NEK10: variants seen among roughly 807,000 people sequenced by gnomAD.
NEK10 encodes serine/threonine-protein kinase Nek10.
Under a neutral mutation model 159.8 loss-of-function variants are expected in NEK10, and 122 were observed. The ratio of observed to expected loss-of-function variants is 0.76; its 90% CI spans 0.66 to 0.89. NEK10 has a LOEUF of 0.89. Among genes scored for constraint, NEK10 ranks in the 40% least tolerant of loss-of-function variants. The pLI, the probability that NEK10 is intolerant of heterozygous loss-of-function variation, is 0.00. For missense variants in NEK10, 1,342 were observed against 1,323.1 expected, an observed-to-expected ratio of 1.01 and a Z score of -0.22; for synonymous variants, 466 against 457.1, an observed-to-expected ratio of 1.02 and a Z score of -0.25.
intron 23 of NEK10, among the ~76,000 whole-genome samples, chr3:27,213,472 T>C (rs775040199): frequency 1.3e-5 from 2 of 152,194 alleles, no homozygotes; most frequent in Non-Finnish European, 2.9e-5. Context: ...AAATTAAGGT[T>C]TGAAAAAATG....
chr3:27,162,654 A>G (rs750276560), intron 30 of NEK10, 47 bp downstream of exon 30: 5 of 1,614,060 alleles, frequency 3.1e-6, no homozygotes, highest in Non-Finnish European at 8.5e-7. Flanking sequence ...ATTACATTGA[A>G]TTTTAGAGAG....
In NEK10 at chr3:27,119,110, C is replaced by G. The variant is rs558159411; in HGVS notation, c.3190+650G>C. Among the ~76,000 whole-genome samples the G allele has an allele frequency of 3.3e-5, 5 of 152,278 alleles. No individual in the cohort carries two copies. In the East Asian group the frequency reaches 9.6e-4, roughly 29 times the overall value. On this transcript the variant is annotated intron_variant, in intron 33 of 35. Coordinates refer to ENST00000691995, the MANE Select transcript of NEK10 (RefSeq NM_001394966.1). ...AAGAAGAGTTCAATTATGCTGAGCC[C>G]CTACTAATAGACAGGCAGTTTTTAT...
intron 26 of NEK10, among the ~76,000 whole-genome samples, chr3:27,178,175 T>A (rs1346362474): frequency 6.6e-6 from 1 of 152,210 alleles, no homozygotes; most frequent in Non-Finnish European, 1.5e-5. Context: ...GTTTTGCGCA[T>A]TATAATGTAA....
At chr3:27,266,093 C>T (rs979514588) in intron 22 of NEK10, among the ~76,000 whole-genome samples, 1 of 152,198 alleles carries the variant, frequency 6.6e-6, no homozygotes, top group African/African-American at 2.4e-5. Context: ...GCGTGAGCCA[C>T]TGCGCCCGGC....
At chr3:27,216,516 G>A (rs1951546706) in intron 23 of NEK10, 1 of 152,206 alleles carries the variant, frequency 6.6e-6, no homozygotes. Context: ...TGGAACATTA[G>A]CAATTGTGAT....
At chr3:27,217,926 T>C (rs1951696277) in intron 23 of NEK10, among the ~76,000 whole-genome samples, 1 of 152,156 alleles carries the variant, frequency 6.6e-6, no homozygotes, top group African/African-American at 2.4e-5. Flanking sequence ...ATTAATAAAT[T>C]AGATACAGTA....
chr3:27,241,019 T>C (rs1034588507), intron 23 of NEK10, among the ~76,000 whole-genome samples: 2 of 152,106 alleles, frequency 1.3e-5, no homozygotes, highest in East Asian at 3.9e-4. Context: ...TTTGCAAAGT[T>C]GGTACAGGGA....
At chr3:27,363,085 C>T (rs2149889667) in intron 1 of NEK10, among the ~76,000 whole-genome samples, 1 of 152,296 alleles carries the variant, frequency 6.6e-6, no homozygotes. Context: ...CTGTTACTCA[C>T]ACTTGGTCCT....
intron 1 of NEK10, 47 bp from the exon 2 acceptor site, chr3:27,352,966 C>A: frequency 1.1e-6 from 1 of 880,500 alleles, no homozygotes; most frequent in South Asian, 1.4e-5. Context: ...TTGCGTGTGC[C>A]AAAATATTCT....
chr3:27,258,060 T>A (rs1956398996), intron 22 of NEK10, among the ~76,000 whole-genome samples: 1 of 151,950 alleles, frequency 6.6e-6, no homozygotes, highest in African/African-American at 2.4e-5. Flanking sequence ...CCTCCCAAAG[T>A]GCTGGGATTA....
At position 27,263,969 on chromosome 3, in the gene NEK10, T is replaced by C. The variant is rs188833455; in HGVS notation, c.2015-7598A>G. ...TCCACCCCCATGTATGTATTATATA[T>C]AAATACATGTAGTAGAGTATTGAAT... On this transcript the variant is annotated intron_variant, in intron 22 of 35. Coordinates refer to ENST00000691995, the MANE Select transcript of NEK10 (RefSeq NM_001394966.1). Among the ~76,000 whole-genome samples the C allele has an allele frequency of 2.5e-4, 38 of 152,310 alleles. No homozygotes were observed. The East Asian group carries it at 6.6e-3, about 26-fold the overall frequency.
Position 27,290,665 on chromosome 3 carries a change from G to A in NEK10, c.1695C>T (p.Asp565=). The change falls in exon 19 of 36, where the codon GAC becomes GAT. Residue 565 remains aspartate, a synonymous_variant. Coordinates refer to ENST00000691995, the MANE Select transcript of NEK10 (RefSeq NM_001394966.1). The part of the protein sequence containing the change: ...PAFGKDKKDR[D]SSVRNIVSEL... The stretch of plus-strand genomic sequence containing the variant: ...CAGAAACAATATTCCTTACGCTGCT[G>A]TCTCGATCTTTCTTATCCTTTCCAA... 1.2e-6 allele frequency: 2 copies of A among 1,608,038 alleles called. No homozygotes were observed. The highest frequency in any genetic ancestry group is 8.5e-7 in the Non-Finnish European group (1 of 1,175,410).
At chr3:27,241,333 C>T (rs1954541790) in intron 23 of NEK10, among the ~76,000 whole-genome samples, 1 of 152,064 alleles carries the variant, frequency 6.6e-6, no homozygotes, top group African/African-American at 2.4e-5. Flanking sequence ...TATTAACATC[C>T]CCTGACCCTT....
chr3:27,325,187 A>G (rs563558773), intron 5 of NEK10, among the ~76,000 whole-genome samples: 1 of 152,338 alleles, frequency 6.6e-6, no homozygotes, highest in African/African-American at 2.4e-5. Flanking sequence ...ACTTGCTCAC[A>G]CTGCCCTTCA....
At chr3:27,131,301 G>A (rs1158083484) in intron 32 of NEK10, among the ~76,000 whole-genome samples, 2 of 152,118 alleles carry the variant, frequency 1.3e-5, no homozygotes, top group Non-Finnish European at 2.9e-5. Context: ...AGGACAAAGG[G>A]ATTTTCCAAT....
At chr3:27,223,472 G>C (rs552441335) in intron 23 of NEK10, among the ~76,000 whole-genome samples, 1 of 152,264 alleles carries the variant, frequency 6.6e-6, no homozygotes, top group Admixed American at 6.5e-5. Flanking sequence ...TTACATGGAC[G>C]CATATGAAAT....
intron 23 of NEK10, among the ~76,000 whole-genome samples, chr3:27,207,090 C>A (rs1950601998): frequency 6.6e-6 from 1 of 152,168 alleles, no homozygotes; most frequent in African/African-American, 2.4e-5. Flanking sequence ...ACTCTGCATC[C>A]CAGGGAACCT....
chr3:27,192,336 A>G (rs1392897632), intron 25 of NEK10, 94 bp from the exon 26 acceptor site: 2 of 852,918 alleles, frequency 2.3e-6, no homozygotes, highest in African/African-American at 1.7e-5. Context: ...CTGTGTGTCC[A>G]CTATGGTATT....
intron 23 of NEK10, among the ~76,000 whole-genome samples, chr3:27,250,487 G>A (rs1322880150): frequency 6.6e-6 from 1 of 152,074 alleles, no homozygotes; most frequent in Non-Finnish European, 1.5e-5. Context: ...TGCCCAGCCT[G>A]TGTATTTACT....
Sources: allele counts gnomAD v4.1 joint callset (sites outside exome capture counted in the v4.1 genomes callset), GRCh38; gene constraint gnomAD v4.1.1; transcripts MANE v1.5; gene names NCBI Gene and HGNC (gene_info 2026-07-23, HGNC 2026-07-21).